ARHGEF6: variants seen among roughly 807,000 people sequenced by gnomAD.
The protein encoded by ARHGEF6 is Rac/Cdc42 guanine nucleotide exchange factor 6.
In ARHGEF6, 9 loss-of-function variants were observed where a neutral mutation model predicts 70.3. The observed-to-expected ratio is 0.13, with a 90% CI of 0.08 to 0.22. The LOEUF (loss-of-function observed/expected upper bound fraction) is 0.22, where lower values mean the gene tolerates loss of function less well. Ranked by LOEUF, ARHGEF6 falls within the 10% of genes least tolerant of loss-of-function variation. The pLI is 1.00. For synonymous variants in ARHGEF6, 201 were observed against 207.8 expected (o/e 0.97, Z 0.28); for missense variants, 470 against 563.0 (o/e 0.83, Z 1.67).
chrX:136,779,673 G>A (rs2077432276), intron 1 of ARHGEF6, among the ~76,000 whole-genome samples, 176 bp from the exon 2 acceptor site: 2 of 111,782 alleles, frequency 1.8e-5, no homozygotes, highest in African/African-American at 3.3e-5. Context: ...CTAAACGGTC[G>A]ATCTTTGTTT....
intron 20 of ARHGEF6, among the ~76,000 whole-genome samples, 154 bp downstream of exon 20, chrX:136,671,866 A>G (rs756200857): frequency 2.7e-5 from 3 of 111,784 alleles, no homozygotes; most frequent in Non-Finnish European, 5.6e-5. Context: ...GCAGCCCTCT[A>G]AAGTCTCCCA....
Position 136,677,940 on chromosome X carries a change from A to G in ARHGEF6, c.1847T>C (p.Leu616Ser), listed in dbSNP as rs2148574966. 8.3e-7 allele frequency: 1 copy of G among 1,204,319 alleles called. No homozygotes were observed. Among genetic ancestry groups the G allele is most frequent in the East Asian group, 3.0e-5 (1 of 33,741 alleles). Residue 616 changes from leucine to serine, a missense_variant, in exon 17 of 22, where the codon TTA (leucine) becomes TCA (serine). Around this residue, in one of 3 missense-constraint regions of ARHGEF6, gnomAD observed 379 missense variants for 449.3 expected, o/e 0.84. Transcript: ENST00000250617. ...AAGATATTGTACTACCCTTACCTTT[A>G]AGATATAAGACATCCTCTAAAATGA... ...LGYKERMSYI[L>S]KESSKSPKTM...
intron 17 of ARHGEF6, among the ~76,000 whole-genome samples, chrX:136,677,417 A>C (rs1057055245): frequency 7.1e-5 from 8 of 112,078 alleles, no homozygotes; most frequent in African/African-American, 2.6e-4. Context: ...CATATGAGTA[A>C]CCAGCAGGTC....
chrX:136,763,781 C>A (rs2077286423), intron 2 of ARHGEF6, among the ~76,000 whole-genome samples: 1 of 111,463 alleles, frequency 9.0e-6, no homozygotes, highest in African/African-American at 3.3e-5. Flanking sequence ...GCAGAGATCG[C>A]ACCACTGCAC....
At position 136,681,979 on chromosome X, in the gene ARHGEF6, A is replaced by G; in HGVS notation, c.1480-11T>C. The G allele has an allele frequency of 8.5e-7, 1 of 1,170,777 alleles. No homozygotes were observed. The highest frequency in any genetic ancestry group is 1.8e-5 in the African/African-American group (1 of 57,089). ...TATTGGTATTTTTCCCTATTAGAAAAAGAACATTCTCATTAATTCTGCAGT... is the reference window on the plus strand; with the variant it reads ...TATTGGTATTTTTCCCTATTAGAAAGAGAACATTCTCATTAATTCTGCAGT... On this transcript the variant is annotated splice_polypyrimidine_tract_variant and intron_variant, in intron 13 of 21. Coordinates refer to ENST00000250617, the MANE Select transcript of ARHGEF6 (RefSeq NM_004840.3).
chrX:136,770,671 T>G (rs1473979558), intron 2 of ARHGEF6, among the ~76,000 whole-genome samples: 1 of 112,671 alleles, frequency 8.9e-6, no homozygotes, highest in Non-Finnish European at 1.9e-5. Context: ...ATGAATAAGT[T>G]CTTGGAAGTG....
intron 9 of ARHGEF6, among the ~76,000 whole-genome samples, chrX:136,701,852 C>T (rs970798891): frequency 5.6e-5 from 6 of 107,284 alleles, no homozygotes; most frequent in Admixed American, 1.0e-4. Flanking sequence ...GGACTACAGG[C>T]GCCCACCACC....
Position 136,747,517 on chromosome X carries a change from C to T in ARHGEF6, c.325G>A (p.Ala109Thr). ...VLSTLLAVNKATEDQLSERPC... is the reference protein window; with the variant it reads ...VLSTLLAVNKTTEDQLSERPC... Reference sequence around the variant, plus strand: ...CACAAGCCCGGCTTACCTTCTGTTGCTTTGTTGACAGCTAAAAGAGTACTC... The same window carrying T: ...CACAAGCCCGGCTTACCTTCTGTTGTTTTGTTGACAGCTAAAAGAGTACTC... The change falls in exon 3 of 22, where the codon GCA becomes ACA. Residue 109 changes from alanine (A) to threonine (T), a missense_variant. By Grantham distance (58) the Ala-to-Thr change is moderately conservative. Coordinates refer to ENST00000250617, the MANE Select transcript of ARHGEF6 (RefSeq NM_004840.3). The T allele has an allele frequency of 8.3e-7, 1 of 1,207,408 alleles. No homozygotes were observed. The highest frequency in any genetic ancestry group is 1.1e-6 in the Non-Finnish European group (1 of 892,761).
At chrX:136,732,458 T>C (rs1447487584) in intron 5 of ARHGEF6, among the ~76,000 whole-genome samples, 1 of 112,316 alleles carries the variant, frequency 8.9e-6, no homozygotes, top group African/African-American at 3.2e-5. Flanking sequence ...GGGGTTTGTC[T>C]GCCCTCTCCA....
intron 5 of ARHGEF6, among the ~76,000 whole-genome samples, chrX:136,742,251 G>A (rs971620728): frequency 1.3e-4 from 14 of 111,398 alleles, no homozygotes; most frequent in Non-Finnish European, 2.5e-4. Context: ...CCCGGGAGGC[G>A]GAGTGTGCAG....
At chrX:136,678,040 AAAC>A in intron 16 of ARHGEF6, 84 bp from the exon 17 acceptor site, 1 of 850,524 alleles carries the variant, frequency 1.2e-6, no homozygotes. Flanking sequence ...AATAATTCTA[AAAC>A]AACATTTGAA....
chrX:136,686,639 TATACACAC>T (rs1247256816), intron 11 of ARHGEF6, among the ~76,000 whole-genome samples: 14 of 70,970 alleles, frequency 2.0e-4, no homozygotes, highest in Non-Finnish European at 2.7e-4. Flanking sequence ...TATATATATA[TATACACAC>T]ATATATATAT....
intron 2 of ARHGEF6, among the ~76,000 whole-genome samples, chrX:136,752,362 T>C (rs975348229): frequency 8.9e-6 from 1 of 111,961 alleles, no homozygotes; most frequent in Admixed American, 9.4e-5. Context: ...CTCCTCCTAT[T>C]TGTTGAACCA....
At chrX:136,743,143 CATT>C (rs1365462056) in intron 5 of ARHGEF6, among the ~76,000 whole-genome samples, 4 of 111,775 alleles carry the variant, frequency 3.6e-5, no homozygotes, top group African/African-American at 6.5e-5. Flanking sequence ...GCAGCCCTAT[CATT>C]ATTATCTCTC....
In ARHGEF6 at chrX:136,685,809, A is replaced by G; in HGVS notation, c.1260T>C (p.Asp420=). 8.3e-7 allele frequency: 1 copy of G among 1,211,013 alleles called. No homozygotes were observed. Among genetic ancestry groups the G allele is most frequent in the Non-Finnish European group, 1.1e-6 (1 of 895,161 alleles). ...AFKTLMGQCQ[D]LRKRKQLELQ... is the part of the protein sequence containing the mutation. The stretch of plus-strand genomic sequence containing the variant: ...ACTCCAGCTGTTTTCTCTTCCTCAG[A>G]TCTTGACATTGCCCCTACAGAACCA... Residue 420 remains aspartate (D), a synonymous_variant, in exon 12 of 22, where the codon GAT becomes GAC. Transcript: ENST00000250617.
chrX:136,762,416 T>G (rs1217201384), intron 2 of ARHGEF6, among the ~76,000 whole-genome samples: 1 of 112,337 alleles, frequency 8.9e-6, no homozygotes, highest in Admixed American at 9.4e-5. Context: ...TAGCTTTTAT[T>G]GAGAGTTCAC....
chrX:136,728,065 T>A (rs2076888994), intron 6 of ARHGEF6, among the ~76,000 whole-genome samples: 1 of 112,486 alleles, frequency 8.9e-6, no homozygotes, highest in Admixed American at 9.4e-5. Flanking sequence ...TGACTTTTAC[T>A]TTTTAAATCT....
intron 9 of ARHGEF6, among the ~76,000 whole-genome samples, chrX:136,699,179 T>C (rs1019069174): frequency 1.8e-5 from 2 of 111,554 alleles, no homozygotes. Context: ...AATTATAGCA[T>C]GTATTATTGT....
intron 6 of ARHGEF6, among the ~76,000 whole-genome samples, chrX:136,716,691 T>C (rs2076740114): frequency 1.8e-5 from 2 of 112,251 alleles, no homozygotes; most frequent in Admixed American, 9.4e-5. Context: ...CTGTGATTAA[T>C]ATACTAAGGA....
Sources: gnomAD v4.1 joint callset for allele counts (sites outside exome capture counted in the v4.1 genomes callset) on GRCh38, gnomAD v4.1.1 for gene constraint, gnomAD v4.1.1 regional missense constraint, MANE v1.5 for transcripts, NCBI Gene and HGNC (gene_info 2026-07-23, HGNC 2026-07-21) for gene names.